The following PEX11A variants were observed in gnomAD, a reference collection of about 807,000 sequenced individuals.
PEX11A encodes the protein peroxisomal membrane protein 11A.
Under a neutral mutation model 14.4 loss-of-function variants are expected in PEX11A, and 13 were observed. The observed-to-expected ratio is 0.90, with a 90% CI of 0.59 to 1.43. The LOEUF is 1.43. Ranked by LOEUF, PEX11A falls within the 40% of genes most tolerant of loss-of-function variation. The probability of loss-of-function intolerance (pLI) is 0.00; values close to 1 mark genes in which losing one functional copy is unlikely to be tolerated. For synonymous variants in PEX11A, 101 were observed against 113.0 expected (o/e 0.89, Z 0.67); for missense variants, 290 against 302.8 (o/e 0.96, Z 0.31).
chr15:89,688,019 T>C, intron 1 of PEX11A: 1 of 541,544 alleles, frequency 1.8e-6, no homozygotes, highest in East Asian at 4.9e-5. Context: ...TTCTCTTAGA[T>C]CTTCACTGGG....
chr15:89,684,098 C>T, intron 2 of PEX11A, 150 bp from the exon 3 acceptor site: 1 of 609,344 alleles, frequency 1.6e-6, no homozygotes, highest in East Asian at 2.8e-5. Context: ...TGCAGCGGCA[C>T]CATCACAGCT....
chr15:89,686,378 GGCT>G lies in PEX11A; in HGVS notation c.172+50_172+52del, dbSNP rs1439890199. ...TTACTCCGTGAATTACAGGGTCTGA[GGCT>G]GAGGATTCTAAACCAGGAGTCACTG... On this transcript the variant is annotated intron_variant, in intron 2 of 2. Coordinates refer to ENST00000300056, the MANE Select transcript of PEX11A (RefSeq NM_003847.3). 3 of 806,338 alleles carry G rather than the reference GGCT, an allele frequency of 3.7e-6. No homozygotes were observed. In the Admixed American group the frequency reaches 5.9e-5, roughly 16 times the overall value. 49.9% of individuals were successfully genotyped at this position (806,338 alleles called of 1,614,324 possible). A position where few individuals can be genotyped will look rare whatever the true frequency, so the allele number is the denominator to read the frequency against.
Position 89,681,721 on chromosome 15 carries a change from AT to A in PEX11A, c.*1655del. On this transcript the variant is annotated 3_prime_UTR_variant, in exon 3 of 3. Transcript: ENST00000300056. ...AACAGACAGCCAAGAATCTGAGTCT[AT>A]TTTTTGAGAATCTCAATCACATTTC... 1 of 485,428 alleles carries A rather than the reference AT, an allele frequency of 2.1e-6. No individual in the cohort carries two copies. The highest frequency in any genetic ancestry group is 1.9e-5 in the African/African-American group (1 of 51,520). 30.1% of individuals were successfully genotyped at this position (485,428 alleles called of 1,614,324 possible). A position where few individuals can be genotyped will look rare whatever the true frequency, so the allele number is the denominator to read the frequency against.
intron 1 of PEX11A, among the ~76,000 whole-genome samples, chr15:89,688,710 T>C (rs1375751792): frequency 7.1e-6 from 1 of 141,424 alleles, no homozygotes; most frequent in Admixed American, 7.1e-5. Context: ...ATGATTATTA[T>C]TTTTAATGTT....
intron 1 of PEX11A, among the ~76,000 whole-genome samples, chr15:89,687,139 G>C (rs1964690086): frequency 6.6e-6 from 1 of 152,006 alleles, no homozygotes; most frequent in South Asian, 2.1e-4. Flanking sequence ...GGTCATGGCT[G>C]GTCTCGATCT....
chr15:89,683,146 G>A lies in PEX11A; in HGVS notation c.*231C>T, dbSNP rs570667911. 1 of 514,294 alleles carries A rather than the reference G, an allele frequency of 1.9e-6. No individual in the cohort carries two copies. Among genetic ancestry groups the A allele is most frequent in the Non-Finnish European group, 3.4e-6 (1 of 292,080 alleles). 31.9% of individuals were successfully genotyped at this position (514,294 alleles called of 1,614,324 possible). On this transcript the variant is annotated 3_prime_UTR_variant, in exon 3 of 3. Coordinates refer to ENST00000300056, the MANE Select transcript of PEX11A (RefSeq NM_003847.3). ...GATGTTCAATCAATGTTAGATGAAG[G>A]GAAAATATTCAGAAATTCACAAGTC...
intron 2 of PEX11A, among the ~76,000 whole-genome samples, chr15:89,685,003 A>T (rs1188726269): frequency 1.3e-5 from 2 of 152,100 alleles, no homozygotes; most frequent in African/African-American, 4.8e-5. Context: ...CAGCCTGGCC[A>T]ACGTGGTGAA....
chr15:89,685,948 T>C (rs1430214915), intron 2 of PEX11A, among the ~76,000 whole-genome samples: 1 of 152,180 alleles, frequency 6.6e-6, no homozygotes, highest in Non-Finnish European at 1.5e-5. Flanking sequence ...CACAAAATAT[T>C]GATTTCACTT....
chr15:89,687,859 CT>C (rs1264236270), intron 1 of PEX11A: 1 of 403,906 alleles, frequency 2.5e-6, no homozygotes, highest in African/African-American at 2.1e-5. Flanking sequence ...TAAGACATTA[CT>C]TTTATTTATT....
Position 89,690,710 on chromosome 15 carries a change from G to C in PEX11A, c.-78C>G, listed in dbSNP as rs577395228. ...GGGGCCCGTCGGATCCCCAGGGAAC[G>C]GTCAGTCCCAGGTTATCCGCTGAGG... On this transcript the variant is annotated 5_prime_UTR_variant, in exon 1 of 3. Transcript: ENST00000300056. 558 of 1,072,278 alleles carry C rather than the reference G, an allele frequency of 5.2e-4. 2 individuals are homozygous for C. The highest frequency in any genetic ancestry group is 1.3e-3 in the Middle Eastern group (5 of 3,764). The allele number at this position is 1,072,278 out of a possible 1,614,324, so 66.4% of individuals were successfully genotyped here.
At chr15:89,686,923 GTTTT>G (rs536000290) in intron 1 of PEX11A, among the ~76,000 whole-genome samples, 1 of 147,774 alleles carries the variant, frequency 6.8e-6, no homozygotes, top group Non-Finnish European at 1.5e-5. Flanking sequence ...TTCTTTCTTT[GTTTT>G]TTTTTTGTTT....
chr15:89,684,059 A>T, intron 2 of PEX11A, 111 bp from the exon 3 acceptor site: 1 of 752,594 alleles, frequency 1.3e-6, no homozygotes, highest in Admixed American at 2.5e-5. Context: ...TTGTTGAGAC[A>T]GGGTCTTGCT....
chr15:89,686,850 T>C (rs372415595), intron 1 of PEX11A, among the ~76,000 whole-genome samples: 1 of 21,480 alleles, frequency 4.7e-5, no homozygotes, highest in African/African-American at 1.4e-4. Flanking sequence ...TGAGAAACTG[T>C]ACAAAATCTC....
chr15:89,690,515 G>A (rs1964811524), intron 1 of PEX11A, 62 bp downstream of exon 1: 1 of 1,273,022 alleles, frequency 7.9e-7, no homozygotes, highest in Non-Finnish European at 1.1e-6. Context: ...GGGTGCAGGG[G>A]AATAGGCACG....
intron 2 of PEX11A, among the ~76,000 whole-genome samples, chr15:89,685,072 C>A (rs1471637584): frequency 6.6e-6 from 1 of 151,714 alleles, no homozygotes; most frequent in African/African-American, 2.4e-5. Flanking sequence ...GGCATATTGG[C>A]GCATGCCTGT....
intron 1 of PEX11A, 24 bp downstream of exon 1, chr15:89,690,553 G>A: frequency 2.6e-6 from 4 of 1,544,520 alleles, no homozygotes; most frequent in Non-Finnish European, 3.5e-6. Context: ...AGAAAGGGGC[G>A]GAGGCCGCTG....
intron 1 of PEX11A, chr15:89,688,016 A>G: frequency 1.8e-6 from 1 of 542,016 alleles, no homozygotes; most frequent in South Asian, 1.4e-5. Flanking sequence ...GGATTCTCTT[A>G]GATCTTCACT....
rs939085243 is a variant in PEX11A at position 89,683,043 on chromosome 15, C to A, written c.*334G>T. On this transcript the variant is annotated 3_prime_UTR_variant, in exon 3 of 3. Transcript: ENST00000300056. ...GTATACTGGTGTTCAATGATCAGTG[C>A]GATTGGGTCTTTTTAAATTTTTTCC... 2.3e-5 allele frequency: 6 copies of A among 263,512 alleles called. No individual in the cohort carries two copies. Among genetic ancestry groups the A allele is most frequent in the South Asian group, 1.3e-4 (2 of 15,620 alleles). 16.3% of individuals were successfully genotyped at this position (263,512 alleles called of 1,614,324 possible). A position where few individuals can be genotyped will look rare whatever the true frequency, so the allele number is the denominator to read the frequency against.
At chr15:89,684,817 C>T (rs773240936) in intron 2 of PEX11A, among the ~76,000 whole-genome samples, 2 of 152,132 alleles carry the variant, frequency 1.3e-5, no homozygotes, top group Non-Finnish European at 2.9e-5. Flanking sequence ...ACGGAGGATA[C>T]AAAAGAAGTA....
Sources: gnomAD v4.1 joint callset for allele counts (sites outside exome capture counted in the v4.1 genomes callset) on GRCh38, gnomAD v4.1.1 for gene constraint, MANE v1.5 for transcripts, NCBI Gene and HGNC (gene_info 2026-07-23, HGNC 2026-07-21) for gene names.